THOC5: variants seen among roughly 807,000 people sequenced by gnomAD.
THOC5 encodes THO complex subunit 5.
In THOC5, 43 loss-of-function variants were observed where a neutral mutation model predicts 92.9. That is an observed-to-expected ratio of 0.46 (90% confidence interval 0.36 to 0.60). The LOEUF is 0.60. Ranked by LOEUF, THOC5 falls within the 20% of genes least tolerant of loss-of-function variation. THOC5 has a pLI of 0.00. For missense variants in THOC5, 659 were observed against 849.4 expected, an observed-to-expected ratio of 0.78 and a Z score of 2.79; for synonymous variants, 296 against 320.1, an observed-to-expected ratio of 0.92 and a Z score of 0.80.
intron 5 of THOC5, among the ~76,000 whole-genome samples, chr22:29,541,874 AAAAAAAAAAAAAAAAAAAAATATATAT>A (rs1300992397): frequency 2.2e-3 from 209 of 93,344 alleles, no homozygotes; most frequent in African/African-American, 8.1e-3. Flanking sequence ...AAAAAAAAAA[AAAAAAAAAAAAAAAAAAAAATATATAT>A]ATATATATAT....
At chr22:29,511,354 C>G (rs1488997889) in intron 18 of THOC5, 58 bp from the exon 19 acceptor site, 1 of 1,558,272 alleles carries the variant, frequency 6.4e-7, no homozygotes, top group Non-Finnish European at 8.7e-7. Context: ...GGGGACCACA[C>G]TGGCCAGGCT....
chr22:29,540,498 C>G (rs1274147119), intron 5 of THOC5, among the ~76,000 whole-genome samples: 3 of 152,150 alleles, frequency 2.0e-5, no homozygotes, highest in African/African-American at 7.2e-5. Context: ...AGGTCCACAG[C>G]TAGGGAGTGG....
rs1276882177 is a variant in THOC5 at position 29,531,844 on chromosome 22, A to G, written c.834T>C (p.Tyr278=). The stretch of plus-strand genomic sequence containing the variant: ...CCCCATACTCACCACAGGCCTGCCC[A>G]TACGCAGTGGCCTGAACAAAGAGGA... ...LYVLFVQATA[Y]GQACDKTLSV... The change falls in exon 8 of 20, where the codon TAT becomes TAC. Residue 278 remains tyrosine, a synonymous_variant. Transcript: ENST00000490103. 2.5e-6 allele frequency: 4 copies of G among 1,614,020 alleles called. No individual in the cohort carries two copies. Among genetic ancestry groups the G allele is most frequent in the Non-Finnish European group, 2.5e-6 (3 of 1,180,012 alleles).
intron 6 of THOC5, among the ~76,000 whole-genome samples, chr22:29,538,537 C>T (rs976434043): frequency 1.3e-5 from 2 of 151,994 alleles, no homozygotes; most frequent in Non-Finnish European, 2.9e-5. Context: ...GTAACTCACA[C>T]CTGTAATCCC....
chr22:29,514,893 A>G (rs969076656), intron 17 of THOC5, among the ~76,000 whole-genome samples: 1 of 151,488 alleles, frequency 6.6e-6, no homozygotes, highest in Non-Finnish European at 1.5e-5. Flanking sequence ...TTTAGTAGAG[A>G]CAGGGTTTGC....
chr22:29,552,326 G>T (rs986564181), intron 1 of THOC5, among the ~76,000 whole-genome samples: 1 of 151,080 alleles, frequency 6.6e-6, no homozygotes, highest in Admixed American at 6.6e-5. Context: ...ACCCCATCCC[G>T]TCTAGGAAGT....
At chr22:29,517,970 T>C (rs1259607092) in intron 15 of THOC5, among the ~76,000 whole-genome samples, 1 of 152,146 alleles carries the variant, frequency 6.6e-6, no homozygotes, top group African/African-American at 2.4e-5. Context: ...TAAGAACTGG[T>C]GGGGAGTGGT....
rs780444376 is a variant in THOC5 at position 29,539,524 on chromosome 22, CT to C, written c.453-49del. 1.9e-6 allele frequency: 3 copies of C among 1,590,730 alleles called. No homozygotes were observed. The South Asian group carries it at 3.3e-5, about 18-fold the overall frequency. On this transcript the variant is annotated intron_variant, in intron 5 of 19. Coordinates refer to ENST00000490103, the MANE Select transcript of THOC5 (RefSeq NM_003678.5). ...AAGCTGCTGTTCTCAGGAAACTAAA[CT>C]GTAGTTTAAGCAGGCCCAAAGTTAT...
At position 29,511,976 on chromosome 22, in the gene THOC5, C is replaced by G. The variant is rs56132714; in HGVS notation, c.1797+45G>C. 1,280 of 1,553,418 alleles carry G rather than the reference C, an allele frequency of 8.2e-4. 2 individuals are homozygous for G. Among genetic ancestry groups the G allele is most frequent in the Admixed American group, 1.6e-3 (93 of 59,336 alleles). On this transcript the variant is annotated intron_variant, in intron 18 of 19. Transcript: ENST00000490103. ...TGGGTTCTGCCACGGCCACCTCCCC[C>G]GGGAGCTCTGCCTGCTCCTCCTGTC... is the stretch of plus-strand genomic sequence containing the variant.
intron 7 of THOC5, chr22:29,534,452 T>TAAAAAACA (rs2063715077): frequency 1.3e-5 from 2 of 152,160 alleles, no homozygotes; most frequent in African/African-American, 4.8e-5. Context: ...AAGTAATATA[T>TAAAAAACA]GGTACACTGT....
intron 6 of THOC5, among the ~76,000 whole-genome samples, chr22:29,539,109 CAAAAAAAAAAAAA>C (rs373724250): frequency 2.7e-5 from 1 of 36,872 alleles, no homozygotes; most frequent in African/African-American, 1.1e-4. Flanking sequence ...GACTCCATCT[CAAAAAAAAAAAAA>C]AAAAAAAAAC....
intron 6 of THOC5, among the ~76,000 whole-genome samples, chr22:29,538,827 A>AAAC (rs58996343): frequency 6.9e-6 from 1 of 143,894 alleles, no homozygotes; most frequent in African/African-American, 2.6e-5. Flanking sequence ...AAAAAAAAAA[A>AAAC]GGGCCAGGCA....
chr22:29,512,008 A>G lies in THOC5; in HGVS notation c.1797+13T>C, dbSNP rs971083228. 6.2e-7 allele frequency: 1 copy of G among 1,611,736 alleles called. No homozygotes were observed. Among genetic ancestry groups the G allele is most frequent in the African/African-American group, 1.3e-5 (1 of 74,992 alleles). ...TCTGCCTGCTCCTCCTGTCATCCCCAGCTGGGTCTTACCCGAATGTTGTCA... is the reference window on the plus strand; with the variant it reads ...TCTGCCTGCTCCTCCTGTCATCCCCGGCTGGGTCTTACCCGAATGTTGTCA... On this transcript the variant is annotated intron_variant, in intron 18 of 19. Transcript: ENST00000490103.
intron 12 of THOC5, among the ~76,000 whole-genome samples, chr22:29,525,230 T>G (rs1255850144): frequency 6.6e-6 from 1 of 152,112 alleles, no homozygotes. Flanking sequence ...GAGCTATGAT[T>G]ATGCCATGGT....
chr22:29,521,153 C>T (rs1297191540), intron 12 of THOC5, 54 bp from the exon 13 acceptor site: 1 of 1,372,768 alleles, frequency 7.3e-7, no homozygotes, highest in Admixed American at 1.7e-5. Flanking sequence ...CTTTCTTCAA[C>T]ATAGGCTTGG....
chr22:29,531,472 A>G, intron 8 of THOC5: 1 of 1,033,214 alleles, frequency 9.7e-7, no homozygotes, highest in Non-Finnish European at 1.2e-6. Flanking sequence ...TGTATTCACC[A>G]GGCACCCCCA....
In THOC5 at chr22:29,512,204, C is replaced by T. The variant is rs1003022112; in HGVS notation, c.1682-68G>A. ...CAGCTTGCCAGCCATGGCAGCCTCC[C>T]CACTGCACCCCTGAGGCTAGCTCAG... is the stretch of plus-strand genomic sequence containing the variant. On this transcript the variant is annotated intron_variant, in intron 17 of 19. Transcript: ENST00000490103. 1.7e-5 allele frequency: 20 copies of T among 1,208,388 alleles called. No homozygotes were observed. The Admixed American group carries it at 2.7e-4, about 16-fold the overall frequency. 74.9% of individuals were successfully genotyped at this position (1,208,388 alleles called of 1,614,324 possible).
chr22:29,540,237 A>G (rs1212404574), intron 5 of THOC5, among the ~76,000 whole-genome samples: 2 of 152,060 alleles, frequency 1.3e-5, no homozygotes, highest in African/African-American at 2.4e-5. Flanking sequence ...GCGCCATTGC[A>G]CTCCAGCCTG....
intron 19 of THOC5, 106 bp from the exon 20 acceptor site, chr22:29,508,626 C>T: frequency 1.0e-6 from 1 of 996,196 alleles, no homozygotes; most frequent in Middle Eastern, 2.1e-4. Flanking sequence ...AGTTACATGA[C>T]ACAGAATGTT....
Sources: allele counts gnomAD v4.1 joint callset (sites outside exome capture counted in the v4.1 genomes callset), GRCh38; gene constraint gnomAD v4.1.1; transcripts MANE v1.5; gene names NCBI Gene and HGNC (gene_info 2026-07-23, HGNC 2026-07-21).